ASTN2: variants seen among roughly 807,000 people sequenced by gnomAD.
The protein encoded by ASTN2 is astrotactin-2.
A neutral mutation model predicts 139.8 loss-of-function variants in ASTN2; 54 were observed. That is an observed-to-expected ratio of 0.39 (90% confidence interval 0.31 to 0.48). ASTN2 has a LOEUF of 0.48. Among genes scored for constraint, ASTN2 ranks in the 20% least tolerant of loss-of-function variants. The pLI, the probability that ASTN2 is intolerant of heterozygous loss-of-function variation, is 0.95. For synonymous variants in ASTN2, 756 were observed against 719.5 expected (o/e 1.05, Z -0.81); for missense variants, 1,565 against 1,725.1 (o/e 0.91, Z 1.64).
At chr9:116,818,366 G>C (rs1461667449) in intron 12 of ASTN2, among the ~76,000 whole-genome samples, 1 of 152,204 alleles carries the variant, frequency 6.6e-6, no homozygotes, top group Non-Finnish European at 1.5e-5. Flanking sequence ...TCTCTCACAA[G>C]TATCTGCTAA....
intron 10 of ASTN2, among the ~76,000 whole-genome samples, chr9:116,963,165 A>G (rs958208738): frequency 6.6e-6 from 1 of 152,194 alleles, no homozygotes; most frequent in Non-Finnish European, 1.5e-5. Flanking sequence ...GAACATAGCA[A>G]TGAGGTGCCT....
At chr9:117,220,966 A>C (rs1385699593) in intron 2 of ASTN2, among the ~76,000 whole-genome samples, 1 of 152,058 alleles carries the variant, frequency 6.6e-6, no homozygotes, top group East Asian at 1.9e-4. Flanking sequence ...CATCTGTTTG[A>C]CCATTTTCCC....
At chr9:116,471,792 G>A (rs1046579233) in intron 20 of ASTN2, among the ~76,000 whole-genome samples, 2 of 152,120 alleles carry the variant, frequency 1.3e-5, no homozygotes, top group African/African-American at 4.8e-5. Flanking sequence ...TTTGGATGCA[G>A]GAAGAGGCTT....
chr9:116,668,659 T>C (rs889952763), intron 16 of ASTN2, among the ~76,000 whole-genome samples: 2 of 152,246 alleles, frequency 1.3e-5, no homozygotes, highest in African/African-American at 4.8e-5. Context: ...TTTGGACAAT[T>C]ATGAATAAAG....
chr9:117,225,964 C>G (rs1197294967), intron 2 of ASTN2, among the ~76,000 whole-genome samples: 1 of 152,142 alleles, frequency 6.6e-6, no homozygotes, highest in African/African-American at 2.4e-5. Context: ...TTGAAGAACT[C>G]ACAGTTGGTT....
intron 5 of ASTN2, among the ~76,000 whole-genome samples, chr9:117,089,362 G>T (rs1191641953): frequency 1.3e-5 from 2 of 152,214 alleles, no homozygotes; most frequent in African/African-American, 4.8e-5. Flanking sequence ...CTTCCCACTA[G>T]TAACCTACTA....
At position 116,442,390 on chromosome 9, in the gene ASTN2, T is replaced by C. The variant is rs73520358; in HGVS notation, c.3598+63A>G. On this transcript the variant is annotated intron_variant, in intron 21 of 22. Transcript: ENST00000313400. ...GTGTGTGTTTAATGATTAGTGACTGTTGGGTGCAGAACTTAGGGGAAATAT... is the reference window on the plus strand; with the variant it reads ...GTGTGTGTTTAATGATTAGTGACTGCTGGGTGCAGAACTTAGGGGAAATAT... 4.1e-3 allele frequency: 5,214 copies of C among 1,261,438 alleles called. 149 individuals carry two copies. The African/African-American group carries it at 0.066, about 16-fold the overall frequency. 78.1% of individuals were successfully genotyped at this position (1,261,438 alleles called of 1,614,324 possible).
intron 7 of ASTN2, among the ~76,000 whole-genome samples, chr9:116,997,247 C>T (rs532120051): frequency 2.5e-4 from 38 of 152,164 alleles, no homozygotes; most frequent in Non-Finnish European, 5.0e-4. Flanking sequence ...GCTTGCTTTG[C>T]AGGCTCCCTG....
chr9:117,038,389 C>G (rs141188607), intron 6 of ASTN2, among the ~76,000 whole-genome samples: 83 of 152,160 alleles, frequency 5.5e-4, no homozygotes, highest in African/African-American at 1.9e-3. Context: ...AGAGCACTAA[C>G]TGGAAGGAGG....
At chr9:116,992,740 G>A (rs769775056) in intron 7 of ASTN2, among the ~76,000 whole-genome samples, 1 of 152,252 alleles carries the variant, frequency 6.6e-6, no homozygotes, top group East Asian at 1.9e-4. Context: ...CAACGAGCAG[G>A]TTCCTCAACT....
intron 20 of ASTN2, among the ~76,000 whole-genome samples, chr9:116,464,295 T>G (rs1050210927): frequency 6.6e-6 from 1 of 152,150 alleles, no homozygotes; most frequent in Non-Finnish European, 1.5e-5. Flanking sequence ...GAAGTGGCAA[T>G]GCAGCACAGA....
At chr9:116,534,036 A>G (rs1564349722) in intron 19 of ASTN2, among the ~76,000 whole-genome samples, 1 of 152,184 alleles carries the variant, frequency 6.6e-6, no homozygotes, top group Non-Finnish European at 1.5e-5. Flanking sequence ...CCTCAGTTTC[A>G]GAGCCTGTTA....
At chr9:117,111,674 A>G (rs1326448380) in intron 4 of ASTN2, among the ~76,000 whole-genome samples, 1 of 152,140 alleles carries the variant, frequency 6.6e-6, no homozygotes, top group Non-Finnish European at 1.5e-5. Context: ...GATGTAAGAT[A>G]TAAATTATCA....
At chr9:117,227,333 CT>C in intron 2 of ASTN2, among the ~76,000 whole-genome samples, 1 of 152,102 alleles carries the variant, frequency 6.6e-6, no homozygotes, top group East Asian at 1.9e-4. Context: ...TGTTCATGGC[CT>C]TAATAGAATG....
At chr9:116,843,826 C>T (rs1212662282) in intron 11 of ASTN2, among the ~76,000 whole-genome samples, 1 of 152,112 alleles carries the variant, frequency 6.6e-6, no homozygotes, top group Non-Finnish European at 1.5e-5. Flanking sequence ...CGCTTAGTAC[C>T]TGAGTGATGG....
intron 18 of ASTN2, 66 bp from the exon 19 acceptor site, chr9:116,618,538 G>A (rs570671328): frequency 2.0e-5 from 31 of 1,513,004 alleles, no homozygotes; most frequent in African/African-American, 9.9e-5. Flanking sequence ...AAAAGAATCC[G>A]CATGTGTCAA....
intron 1 of ASTN2, among the ~76,000 whole-genome samples, chr9:117,317,324 T>G (rs1564143244): frequency 6.6e-6 from 1 of 152,158 alleles, no homozygotes; most frequent in Non-Finnish European, 1.5e-5. Flanking sequence ...TAAGTCCCAG[T>G]GGTCATCTGT....
chr9:116,953,560 A>G (rs1168264785), intron 10 of ASTN2, among the ~76,000 whole-genome samples: 2 of 152,192 alleles, frequency 1.3e-5, no homozygotes, highest in Non-Finnish European at 2.9e-5. Context: ...AATTACAGAG[A>G]CCAGGCAGCT....
chr9:116,495,894 C>A (rs1849653845), intron 19 of ASTN2, among the ~76,000 whole-genome samples: 1 of 152,124 alleles, frequency 6.6e-6, no homozygotes, highest in African/African-American at 2.4e-5. Flanking sequence ...TTCCTGGGCT[C>A]CTTTCCTCAC....
Sources: allele counts gnomAD v4.1 joint callset (sites outside exome capture counted in the v4.1 genomes callset), GRCh38; gene constraint gnomAD v4.1.1; transcripts MANE v1.5; gene names NCBI Gene and HGNC (gene_info 2026-07-23, HGNC 2026-07-21).